The following SLIT1 variants were observed in gnomAD, a reference collection of about 807,000 sequenced individuals.
The protein encoded by SLIT1 is slit homolog 1 protein.
SLIT1 carries 66 observed loss-of-function variants against 186.1 expected under a neutral mutation model. The observed-to-expected ratio is 0.35, with a 90% CI of 0.29 to 0.44. SLIT1 has a LOEUF of 0.44. Ranked by LOEUF, SLIT1 falls within the 20% of genes least tolerant of loss-of-function variation. The probability of loss-of-function intolerance (pLI) is 1.00; values close to 1 mark genes in which losing one functional copy is unlikely to be tolerated. For missense variants in SLIT1, 1,638 were observed against 2,037.4 expected (o/e 0.80, Z 3.77); for synonymous variants, 761 against 833.8 (o/e 0.91, Z 1.50).
intron 22 of SLIT1, among the ~76,000 whole-genome samples, chr10:97,035,989 C>A (rs77780633): frequency 1.3e-5 from 2 of 152,240 alleles, no homozygotes; most frequent in East Asian, 3.9e-4. Flanking sequence ...TCTGTTGGAA[C>A]CCTTATCACC....
At chr10:97,110,667 A>C (rs1849456346) in intron 4 of SLIT1, among the ~76,000 whole-genome samples, 1 of 152,216 alleles carries the variant, frequency 6.6e-6, no homozygotes, top group Non-Finnish European at 1.5e-5. Flanking sequence ...AACACCAAAA[A>C]GGAAATCAAG....
At chr10:97,036,281 T>C (rs1171062896) in intron 22 of SLIT1, among the ~76,000 whole-genome samples, 1 of 152,184 alleles carries the variant, frequency 6.6e-6, no homozygotes, top group Non-Finnish European at 1.5e-5. Flanking sequence ...GAGGAGGTGG[T>C]GGTACTTCAG....
At chr10:97,058,226 T>G in intron 11 of SLIT1, 1 of 625,698 alleles carries the variant, frequency 1.6e-6, no homozygotes, top group Non-Finnish European at 2.9e-6. Context: ...GGGTGGGAAA[T>G]GGAGCAGAGG....
chr10:97,112,261 A>G (rs1050201778), intron 4 of SLIT1, among the ~76,000 whole-genome samples: 2 of 151,740 alleles, frequency 1.3e-5, no homozygotes, highest in African/African-American at 4.8e-5. Context: ...GCGCCCTGTG[A>G]TACTCACCCC....
At chr10:97,166,623 G>GAAAAGAAA (rs3979552) in intron 1 of SLIT1, among the ~76,000 whole-genome samples, 5 of 42,660 alleles carry the variant, frequency 1.2e-4, no homozygotes, top group Admixed American at 2.7e-4. Context: ...AAGAAAGAAA[G>GAAAAGAAA]AGAAAAGAAA....
chr10:97,122,096 TCTC>T (rs1361809782), intron 4 of SLIT1, among the ~76,000 whole-genome samples: 1 of 152,152 alleles, frequency 6.6e-6, no homozygotes, highest in African/African-American at 2.4e-5. Flanking sequence ...AGTGTCTACT[TCTC>T]CAGCTCCCTC....
chr10:97,018,010 A>G (rs1380778725), intron 28 of SLIT1, among the ~76,000 whole-genome samples: 3 of 151,814 alleles, frequency 2.0e-5, no homozygotes, highest in Non-Finnish European at 2.9e-5. Context: ...CACCACACCC[A>G]GCTAATTTTT....
intron 1 of SLIT1, among the ~76,000 whole-genome samples, chr10:97,183,105 C>T (rs1850364137): frequency 6.6e-6 from 1 of 152,154 alleles, no homozygotes; most frequent in African/African-American, 2.4e-5. Flanking sequence ...TCCAAACCAA[C>T]CTTGATAAAG....
chr10:97,157,035 G>A (rs1849960577), intron 4 of SLIT1, among the ~76,000 whole-genome samples: 2 of 152,198 alleles, frequency 1.3e-5, no homozygotes, highest in Admixed American at 6.5e-5. Flanking sequence ...GTAAGTTACT[G>A]GAGAGCAGAT....
intron 4 of SLIT1, among the ~76,000 whole-genome samples, chr10:97,127,416 G>A (rs563711164): frequency 6.8e-4 from 103 of 152,322 alleles, no homozygotes; most frequent in African/African-American, 2.4e-3. Context: ...TATGCTGTCC[G>A]TTAAGTTAGG....
At chr10:97,181,296 G>T (rs1163400599) in intron 1 of SLIT1, among the ~76,000 whole-genome samples, 4 of 152,244 alleles carry the variant, frequency 2.6e-5, no homozygotes, top group Non-Finnish European at 1.5e-5. Flanking sequence ...GGCCCTGATG[G>T]CAGATGTGGC....
rs148336563 is a variant in SLIT1 at position 97,058,793 on chromosome 10, C to T, written c.1085+667G>A. ...CAAATGGCCCCTCCTACAGGGAGCTCGCCCAACTCCAGGGCACCCTGAGTG... is the reference window on the plus strand; with the variant it reads ...CAAATGGCCCCTCCTACAGGGAGCTTGCCCAACTCCAGGGCACCCTGAGTG... On this transcript the variant is annotated intron_variant, in intron 11 of 36. Transcript: ENST00000266058. Among the ~76,000 whole-genome samples, 428 of 152,310 alleles carry T rather than the reference C, an allele frequency of 2.8e-3. 2 individuals are homozygous for T. Among genetic ancestry groups the T allele is most frequent in the African/African-American group, 8.9e-3 (370 of 41,570 alleles).
chr10:97,161,628 A>T (rs548788894), intron 3 of SLIT1, among the ~76,000 whole-genome samples: 42 of 152,282 alleles, frequency 2.8e-4, no homozygotes, highest in African/African-American at 9.6e-4. Context: ...AATACAAAAA[A>T]TTAGCTGGGC....
At chr10:97,059,160 CT>C (rs1166633847) in intron 11 of SLIT1, among the ~76,000 whole-genome samples, 1 of 152,226 alleles carries the variant, frequency 6.6e-6, no homozygotes, top group Admixed American at 6.5e-5. Flanking sequence ...GCAAAGAATG[CT>C]GGGAAAATCC....
intron 23 of SLIT1, among the ~76,000 whole-genome samples, chr10:97,033,147 C>T (rs1043781370): frequency 6.6e-6 from 1 of 151,664 alleles, no homozygotes; most frequent in Non-Finnish European, 1.5e-5. Context: ...CTCCCAGGCT[C>T]AAACCATCCT....
At chr10:97,168,381 A>G (rs566569535) in intron 1 of SLIT1, among the ~76,000 whole-genome samples, 3 of 152,354 alleles carry the variant, frequency 2.0e-5, no homozygotes, top group African/African-American at 7.2e-5. Context: ...ATGTTCTGAA[A>G]TATTTGCCCT....
intron 25 of SLIT1, among the ~76,000 whole-genome samples, chr10:97,025,345 G>A (rs563368119): frequency 2.6e-5 from 4 of 152,232 alleles, no homozygotes; most frequent in Non-Finnish European, 4.4e-5. Context: ...ACAAAGTCAC[G>A]TCTAAAGCTA....
chr10:97,173,868 A>G (rs1850222997), intron 1 of SLIT1, among the ~76,000 whole-genome samples: 2 of 152,206 alleles, frequency 1.3e-5, no homozygotes, highest in Non-Finnish European at 2.9e-5. Context: ...TGAAGGGCGA[A>G]GGCCTCTGGC....
At chr10:97,130,535 T>C (rs535531000) in intron 4 of SLIT1, among the ~76,000 whole-genome samples, 7 of 152,332 alleles carry the variant, frequency 4.6e-5, no homozygotes, top group African/African-American at 1.4e-4. Context: ...ATCTCACTTA[T>C]CCAAGGTACC....
Sources: allele counts gnomAD v4.1 joint callset (sites outside exome capture counted in the v4.1 genomes callset), GRCh38; gene constraint gnomAD v4.1.1; transcripts MANE v1.5; gene names NCBI Gene and HGNC (gene_info 2026-07-23, HGNC 2026-07-21).